Variants in EBF1 observed in about 807,000 individuals in gnomAD.
EBF1 encodes transcription factor COE1.
EBF1 carries 10 observed loss-of-function variants against 68.4 expected under a neutral mutation model. That is an observed-to-expected ratio of 0.15 (90% CI 0.09 to 0.25). The LOEUF (loss-of-function observed/expected upper bound fraction) is 0.25. Ranked by LOEUF, EBF1 falls within the 10% of genes least tolerant of loss-of-function variation. EBF1 has a pLI of 1.00. For missense variants in EBF1, 509 were observed against 794.4 expected, an observed-to-expected ratio of 0.64 and a Z score of 4.32; for synonymous variants, 298 against 299.8, an observed-to-expected ratio of 0.99 and a Z score of 0.06.
At chr5:158,933,698 T>A (rs1236341850) in intron 6 of EBF1, among the ~76,000 whole-genome samples, 1 of 152,222 alleles carries the variant, frequency 6.6e-6, no homozygotes, top group Non-Finnish European at 1.5e-5. Flanking sequence ...CAATGGTCAC[T>A]CACCTTATTT....
intron 6 of EBF1, among the ~76,000 whole-genome samples, chr5:158,853,796 A>AT (rs1793447425): frequency 6.6e-6 from 1 of 152,184 alleles, no homozygotes; most frequent in African/African-American, 2.4e-5. Context: ...TTATGTATAT[A>AT]TTTTTTATTT....
intron 10 of EBF1, among the ~76,000 whole-genome samples, chr5:158,773,853 G>C (rs1305020116): frequency 6.6e-6 from 1 of 152,102 alleles, no homozygotes; most frequent in Admixed American, 6.6e-5. Context: ...AACAAGCTGT[G>C]AGAATAATAA....
chr5:158,772,853 G>C (rs866491201), intron 10 of EBF1, among the ~76,000 whole-genome samples: 10 of 152,140 alleles, frequency 6.6e-5, no homozygotes, highest in African/African-American at 2.4e-4. Flanking sequence ...GCTAAATACA[G>C]TTCCATGATT....
intron 6 of EBF1, among the ~76,000 whole-genome samples, chr5:159,026,005 T>A (rs1276858062): frequency 1.3e-5 from 2 of 152,202 alleles, no homozygotes; most frequent in African/African-American, 4.8e-5. Context: ...AACTCACAAA[T>A]GTCTGTTACG....
rs142268670 is a variant in EBF1, at chr5:158,957,813, C to T, written c.554+115583G>A. Reference sequence around the variant, plus strand: ...GGAAATGATTGGCAAACAGCCAATACCCCTAATGCAGAAAAGATGCCAACA... The same window carrying T: ...GGAAATGATTGGCAAACAGCCAATATCCCTAATGCAGAAAAGATGCCAACA... On this transcript the variant is annotated intron_variant, in intron 6 of 15. Coordinates refer to ENST00000313708, the MANE Select transcript of EBF1 (RefSeq NM_024007.5). Among the ~76,000 whole-genome samples, 70 of 152,286 alleles carry T rather than the reference C, an allele frequency of 4.6e-4. 1 individual carries two copies. The East Asian group carries it at 0.013, about 27-fold the overall frequency.
intron 6 of EBF1, among the ~76,000 whole-genome samples, chr5:158,924,445 T>C (rs1366322651): frequency 6.6e-6 from 1 of 152,126 alleles, no homozygotes; most frequent in Admixed American, 6.5e-5. Flanking sequence ...AACATAGACA[T>C]AGATGCAGAG....
intron 8 of EBF1, among the ~76,000 whole-genome samples, chr5:158,814,831 G>T (rs373350097): frequency 6.6e-6 from 1 of 152,062 alleles, no homozygotes; most frequent in Non-Finnish European, 1.5e-5. Context: ...ACTAGTCATC[G>T]AATAAAATCA....
chr5:159,083,248 G>C (rs1346451430), intron 5 of EBF1, among the ~76,000 whole-genome samples: 8 of 152,146 alleles, frequency 5.3e-5, no homozygotes, highest in Admixed American at 5.2e-4. Context: ...GAAGAAAGAG[G>C]TCATGTTTTA....
intron 6 of EBF1, chr5:158,984,789 T>C (rs1758689133): frequency 6.6e-6 from 1 of 150,964 alleles, no homozygotes; most frequent in Non-Finnish European, 1.5e-5. Flanking sequence ...TGGGAAGCGA[T>C]TCTCCTGCCT....
intron 6 of EBF1, among the ~76,000 whole-genome samples, chr5:158,925,383 TTTG>T (rs1168926243): frequency 6.6e-6 from 1 of 152,190 alleles, no homozygotes; most frequent in Admixed American, 6.5e-5. Context: ...ACAATAAATA[TTTG>T]TTAAGTAAAT....
chr5:158,718,842 G>A (rs778930859), intron 11 of EBF1, among the ~76,000 whole-genome samples: 1 of 152,122 alleles, frequency 6.6e-6, no homozygotes, highest in Non-Finnish European at 1.5e-5. Context: ...CAGCACAGAA[G>A]TATATACTGA....
At chr5:158,801,680 A>G (rs76850893) in intron 8 of EBF1, among the ~76,000 whole-genome samples, 26 of 151,918 alleles carry the variant, frequency 1.7e-4, no homozygotes, top group East Asian at 3.9e-4. Context: ...AAAAAAAAAA[A>G]AAAGAAAGAA....
chr5:158,967,475 C>G (rs1754407226), intron 6 of EBF1, among the ~76,000 whole-genome samples: 1 of 152,172 alleles, frequency 6.6e-6, no homozygotes, highest in Non-Finnish European at 1.5e-5. Flanking sequence ...CACCTTCCAG[C>G]CTTTCAATGC....
intron 10 of EBF1, among the ~76,000 whole-genome samples, chr5:158,770,843 G>A (rs1402551365): frequency 2.0e-5 from 3 of 152,062 alleles, no homozygotes; most frequent in Non-Finnish European, 1.5e-5. Flanking sequence ...GATCAAAAGC[G>A]CTGTTTCTTT....
chr5:158,752,597 C>T (rs1769169910), intron 10 of EBF1, among the ~76,000 whole-genome samples: 1 of 152,192 alleles, frequency 6.6e-6, no homozygotes, highest in Middle Eastern at 3.4e-3. Context: ...TACTGTAATA[C>T]ATTTCGTTAC....
chr5:158,725,731 G>A (rs1762854775), intron 11 of EBF1, among the ~76,000 whole-genome samples: 1 of 152,224 alleles, frequency 6.6e-6, no homozygotes, highest in Admixed American at 6.5e-5. Context: ...CACTGGCTGA[G>A]TGGGAAGTTG....
chr5:158,892,238 C>T (rs1801316235), intron 6 of EBF1, among the ~76,000 whole-genome samples: 1 of 152,158 alleles, frequency 6.6e-6, no homozygotes, highest in South Asian at 2.1e-4. Flanking sequence ...CCTGTAATCC[C>T]ATCACTTTAG....
chr5:158,976,206 G>A (rs751671772), intron 6 of EBF1, among the ~76,000 whole-genome samples: 2 of 152,158 alleles, frequency 1.3e-5, no homozygotes, highest in African/African-American at 2.4e-5. Flanking sequence ...CTCCTGTAAT[G>A]TTACAAAAAG....
intron 6 of EBF1, among the ~76,000 whole-genome samples, chr5:158,908,703 C>T (rs879828475): frequency 2.0e-5 from 3 of 152,242 alleles, no homozygotes; most frequent in Non-Finnish European, 4.4e-5. Flanking sequence ...GCGTTTGCAC[C>T]TCCAAACACA....
Sources: gnomAD v4.1 joint callset for allele counts (sites outside exome capture counted in the v4.1 genomes callset) on GRCh38, gnomAD v4.1.1 for gene constraint, MANE v1.5 for transcripts, NCBI Gene and HGNC (gene_info 2026-07-23, HGNC 2026-07-21) for gene names.